Variants in SLC9A6 observed in about 807,000 individuals in gnomAD.
SLC9A6 encodes solute carrier family 9 member A6, also known as sodium/hydrogen exchanger 6.
A neutral mutation model predicts 45.3 loss-of-function variants in SLC9A6; 6 were observed. That is an observed-to-expected ratio of 0.13 (90% CI 0.07 to 0.26). The LOEUF (loss-of-function observed/expected upper bound fraction) is 0.26, where lower values mean the gene tolerates loss of function less well. Ranked by LOEUF, SLC9A6 falls within the 10% of genes least tolerant of loss-of-function variation. The pLI is 1.00. For missense variants in SLC9A6, 278 were observed against 503.7 expected, an observed-to-expected ratio of 0.55 and a Z score of 4.29; for synonymous variants, 191 against 187.7, an observed-to-expected ratio of 1.02 and a Z score of -0.14.
At chrX:135,996,910 G>A (rs2089507387) in intron 3 of SLC9A6, among the ~76,000 whole-genome samples, 1 of 109,613 alleles carries the variant, frequency 9.1e-6, no homozygotes, top group Non-Finnish European at 1.9e-5. Flanking sequence ...GGGACTACAG[G>A]CGCCCGCCAC....
chrX:136,020,221 G>A (rs782414387), intron 11 of SLC9A6, among the ~76,000 whole-genome samples: 2 of 111,922 alleles, frequency 1.8e-5, no homozygotes, highest in South Asian at 7.5e-4. Context: ...CTATGAGCAA[G>A]GATTGAGGAA....
chrX:136,016,006 A>G (rs1707821531), intron 10 of SLC9A6, among the ~76,000 whole-genome samples: 1 of 110,977 alleles, frequency 9.0e-6, no homozygotes. Context: ...GCAGGCGGGC[A>G]GCAGGGTTTA....
At chrX:135,989,982 TTTTTG>T (rs2089404179) in intron 2 of SLC9A6, among the ~76,000 whole-genome samples, 1 of 111,040 alleles carries the variant, frequency 9.0e-6, no homozygotes, top group Non-Finnish European at 1.9e-5. Flanking sequence ...GGTTGTGTTT[TTTTTG>T]TTTTTGTTTT....
chrX:136,006,808 C>G (rs2089664205), intron 7 of SLC9A6, among the ~76,000 whole-genome samples: 1 of 111,196 alleles, frequency 9.0e-6, no homozygotes, highest in African/African-American at 3.3e-5. Context: ...TTTAACTTCA[C>G]TAATTACCAG....
intron 1 of SLC9A6, chrX:135,974,994 T>A: frequency 4.4e-6 from 1 of 226,807 alleles, no homozygotes; most frequent in Non-Finnish European, 8.3e-6. Flanking sequence ...AATGTAGACA[T>A]TTAATAGTGA....
At chrX:136,037,496 G>A (rs1289382344) in intron 16 of SLC9A6, among the ~76,000 whole-genome samples, 3 of 112,187 alleles carry the variant, frequency 2.7e-5, no homozygotes, top group African/African-American at 9.7e-5. Context: ...TGATCCTATT[G>A]CAAATGGTAT....
rs149044510 is a variant in SLC9A6, at chrX:136,012,948, C to T, written c.886-1C>T. On this transcript the variant is annotated splice_acceptor_variant, in intron 8 of 17. Transcript: ENST00000630721. LOFTEE classifies it high-confidence loss of function. ...CTCATTACTAGCCTTAACAGTCTTA[C>T]GTGACAAAGTTCACCAAATTACGGG... is the stretch of plus-strand genomic sequence containing the variant. 5.0e-6 allele frequency: 6 copies of T among 1,190,251 alleles called. No individual in the cohort carries two copies. The highest frequency in any genetic ancestry group is 3.5e-5 in the African/African-American group (2 of 56,910).
chrX:135,985,291 C>T (rs970833614), upstream of SLC9A6: 22 of 290,020 alleles, frequency 7.6e-5, no homozygotes, highest in East Asian at 2.7e-4. Context: ...CTTTCATTCC[C>T]GGCAGCGCCT....
rs1439910852 is a variant in SLC9A6 at position 136,046,915 on chromosome X, G to A, written c.*2191G>A. On this transcript the variant is annotated 3_prime_UTR_variant, in exon 18 of 18. Transcript: ENST00000630721. ...TTTTCCTGTTGTTTGTGGAACCTAC[G>A]CGTTTGAATGGCTTGAACGTTGCAT... 8.9e-6 allele frequency: 1 copy of A among 112,872 alleles called. No homozygotes were observed. The highest frequency in any genetic ancestry group is 2.8e-4 in the East Asian group (1 of 3,611). 9.3% of individuals were successfully genotyped at this position (112,872 alleles called of 1,213,427 possible).
At chrX:136,010,872 A>G (rs2070907538) in intron 8 of SLC9A6, among the ~76,000 whole-genome samples, 2 of 112,672 alleles carry the variant, frequency 1.8e-5, no homozygotes, top group South Asian at 7.3e-4. Context: ...ATAGCTGTAA[A>G]GGTAGACATA....
chrX:136,036,228 G>A (rs1556621806), intron 16 of SLC9A6, among the ~76,000 whole-genome samples: 1 of 111,649 alleles, frequency 9.0e-6, no homozygotes, highest in African/African-American at 3.3e-5. Flanking sequence ...TGGGTGTGTA[G>A]TGATATCTCA....
intron 16 of SLC9A6, among the ~76,000 whole-genome samples, chrX:136,035,483 C>G (rs1454752965): frequency 1.8e-5 from 2 of 111,627 alleles, no homozygotes; most frequent in Non-Finnish European, 3.8e-5. Flanking sequence ...TAATTTATCC[C>G]TATTGTTTCA....
intron 7 of SLC9A6, among the ~76,000 whole-genome samples, chrX:136,004,551 C>A (rs983209037): frequency 2.7e-5 from 3 of 112,074 alleles, no homozygotes; most frequent in African/African-American, 9.7e-5. Flanking sequence ...AAGAATAAAA[C>A]ATCACTGGCT....
chrX:135,999,865 A>G (rs182383785), intron 6 of SLC9A6, among the ~76,000 whole-genome samples: 36 of 111,493 alleles, frequency 3.2e-4, no homozygotes, highest in Non-Finnish European at 3.8e-4. Flanking sequence ...AATTAAAGGT[A>G]GAATCCTAAG....
Position 136,045,041 on chromosome X carries a change from C to G in SLC9A6, c.*317C>G, listed in dbSNP as rs900732029. ...CGGATTTTCTCTTTCTTAAACTTAC[C>G]TGACACTTAACCAGAGTACCAGTTC... On this transcript the variant is annotated 3_prime_UTR_variant, in exon 18 of 18. Transcript: ENST00000630721. The G allele has an allele frequency of 4.4e-6, 1 of 227,665 alleles. No individual in the cohort carries two copies. Among genetic ancestry groups the G allele is most frequent in the African/African-American group, 2.8e-5 (1 of 35,142 alleles). 18.8% of individuals were successfully genotyped at this position (227,665 alleles called of 1,213,427 possible). A position where few individuals can be genotyped will look rare whatever the true frequency, so the allele number is the denominator to read the frequency against.
exon 1 of SLC9A6, chrX:135,974,750 G>A: frequency 2.9e-6 from 1 of 340,843 alleles, no homozygotes; most frequent in Non-Finnish European, 5.9e-6. Context: ...CCAAATACTT[G>A]GCTCGCGGGA....
chrX:136,016,779 T>G (rs189850313), intron 11 of SLC9A6, 21 bp downstream of exon 11: 1 of 899,426 alleles, frequency 1.1e-6, no homozygotes, highest in Non-Finnish European at 1.6e-6. Context: ...TTATGTGTTT[T>G]ATTTTGAAAA....
intron 7 of SLC9A6, among the ~76,000 whole-genome samples, chrX:136,004,193 A>C (rs989772731): frequency 9.5e-6 from 1 of 105,648 alleles, no homozygotes. Flanking sequence ...GGTTCAAGCA[A>C]TTCTCCTGCC....
intron 13 of SLC9A6, among the ~76,000 whole-genome samples, chrX:136,026,042 G>T (rs1285016552): frequency 1.8e-5 from 2 of 112,269 alleles, no homozygotes; most frequent in Non-Finnish European, 3.8e-5. Context: ...ATCACTAGCT[G>T]TCAAAGCTCT....
Sources: allele counts gnomAD v4.1 joint callset (sites outside exome capture counted in the v4.1 genomes callset), GRCh38; gene constraint gnomAD v4.1.1; transcripts MANE v1.5; gene names NCBI Gene and HGNC (gene_info 2026-07-23, HGNC 2026-07-21).